ADGRL4: variants seen among roughly 807,000 people sequenced by gnomAD.
The protein encoded by ADGRL4 is EGF, latrophilin and seven transmembrane domain containing 1.
Under a neutral mutation model 74.8 loss-of-function variants are expected in ADGRL4, and 90 were observed. That is an observed-to-expected ratio of 1.20 (90% confidence interval 1.02 to 1.43). The LOEUF (loss-of-function observed/expected upper bound fraction) is 1.43. Ranked by LOEUF, ADGRL4 falls within the 40% of genes most tolerant of loss-of-function variation. ADGRL4 has a pLI of 0.00. For missense variants in ADGRL4, 881 were observed against 814.3 expected (o/e 1.08, Z -1.00); for synonymous variants, 311 against 279.2 (o/e 1.11, Z -1.14).
At chr1:78,961,255 G>A (rs747725303) in intron 2 of ADGRL4, among the ~76,000 whole-genome samples, 47 of 152,082 alleles carry the variant, frequency 3.1e-4, no homozygotes, top group Non-Finnish European at 5.4e-4. Flanking sequence ...CGATTCTCCT[G>A]CCTCAGCCTC....
intron 2 of ADGRL4, among the ~76,000 whole-genome samples, chr1:78,991,250 A>T (rs1557522992): frequency 6.6e-6 from 1 of 152,074 alleles, no homozygotes; most frequent in East Asian, 1.9e-4. Context: ...TACACAAAAG[A>T]GGAATAAGTG....
chr1:78,920,688 A>G, intron 9 of ADGRL4, among the ~76,000 whole-genome samples: 1 of 151,864 alleles, frequency 6.6e-6, no homozygotes, highest in South Asian at 2.1e-4. Context: ...ATTTCACTAC[A>G]TTAGAAAGGC....
intron 12 of ADGRL4, among the ~76,000 whole-genome samples, chr1:78,910,994 T>C (rs1648751601): frequency 6.6e-6 from 1 of 151,904 alleles, no homozygotes; most frequent in Non-Finnish European, 1.5e-5. Context: ...TCTGAACGGA[T>C]TAAAAGCTTA....
intron 12 of ADGRL4, among the ~76,000 whole-genome samples, chr1:78,895,135 C>T (rs1648366995): frequency 6.6e-6 from 1 of 151,932 alleles, no homozygotes; most frequent in Non-Finnish European, 1.5e-5. Flanking sequence ...ATTCCATTAG[C>T]TCATATTTTT....
At chr1:79,002,003 A>G (rs1375594765) in intron 2 of ADGRL4, among the ~76,000 whole-genome samples, 1 of 151,822 alleles carries the variant, frequency 6.6e-6, no homozygotes, top group Non-Finnish European at 1.5e-5. Flanking sequence ...AAGCTGGTTT[A>G]CCTCTAGGAT....
chr1:79,002,973 C>A (rs2100744595), intron 2 of ADGRL4, among the ~76,000 whole-genome samples: 2 of 152,130 alleles, frequency 1.3e-5, no homozygotes, highest in Admixed American at 1.3e-4. Context: ...TATAACATTT[C>A]TTTGGTACCT....
chr1:78,943,583 A>T (rs985200767), intron 3 of ADGRL4, among the ~76,000 whole-genome samples: 2 of 152,216 alleles, frequency 1.3e-5, no homozygotes, highest in Non-Finnish European at 2.9e-5. Flanking sequence ...TAATGACTAT[A>T]ATTACCAGAA....
intron 2 of ADGRL4, among the ~76,000 whole-genome samples, chr1:79,001,900 C>T (rs1650851972): frequency 6.6e-6 from 1 of 151,966 alleles, no homozygotes; most frequent in African/African-American, 2.4e-5. Flanking sequence ...TCAAAATGCA[C>T]TGATATCTTT....
intron 2 of ADGRL4, among the ~76,000 whole-genome samples, chr1:78,953,372 G>A (rs904178493): frequency 2.0e-5 from 3 of 151,928 alleles, no homozygotes; most frequent in African/African-American, 4.8e-5. Context: ...ATTCAATGGG[G>A]AAAATTAAAT....
At chr1:78,893,069 A>AG in intron 13 of ADGRL4, 29 bp downstream of exon 13, 1 of 1,368,440 alleles carries the variant, frequency 7.3e-7, no homozygotes, top group Non-Finnish European at 1.0e-6. Context: ...AAAAAAAAAA[A>AG]AAAAAAGTGA....
At chr1:78,933,971 G>A (rs544992361) in intron 7 of ADGRL4, among the ~76,000 whole-genome samples, 3 of 152,116 alleles carry the variant, frequency 2.0e-5, no homozygotes, top group African/African-American at 4.8e-5. Context: ...TTCACAGATA[G>A]GAAGAATCAA....
intron 2 of ADGRL4, among the ~76,000 whole-genome samples, chr1:78,993,571 CATTTT>C (rs1650653196): frequency 8.7e-6 from 1 of 114,642 alleles, no homozygotes; most frequent in Non-Finnish European, 1.9e-5. Context: ...GCAAAAATTC[CATTTT>C]TTTTTTTTTT....
At chr1:78,910,820 A>T (rs1648746738) in intron 12 of ADGRL4, among the ~76,000 whole-genome samples, 1 of 151,822 alleles carries the variant, frequency 6.6e-6, no homozygotes, top group Admixed American at 6.6e-5. Flanking sequence ...CAATCTTAAC[A>T]TTTTAAATGT....
At chr1:78,916,084 T>C (rs1030592810) in intron 12 of ADGRL4, among the ~76,000 whole-genome samples, 4 of 151,846 alleles carry the variant, frequency 2.6e-5, no homozygotes, top group Admixed American at 2.0e-4. Flanking sequence ...TTTAGACTTC[T>C]AGAAAAGTTT....
chr1:78,971,583 T>C (rs982021320), intron 2 of ADGRL4, among the ~76,000 whole-genome samples: 3 of 152,194 alleles, frequency 2.0e-5, no homozygotes, highest in African/African-American at 7.2e-5. Flanking sequence ...TGTTTCCCTT[T>C]ATTCCATTAT....
chr1:78,971,035 T>A (rs901731576), intron 2 of ADGRL4, among the ~76,000 whole-genome samples: 1 of 152,188 alleles, frequency 6.6e-6, no homozygotes, highest in African/African-American at 2.4e-5. Flanking sequence ...TTTTGATAAA[T>A]GTTTTCTAAT....
At chr1:78,970,699 AC>A (rs1193426769) in intron 2 of ADGRL4, among the ~76,000 whole-genome samples, 1 of 152,102 alleles carries the variant, frequency 6.6e-6, no homozygotes, top group Non-Finnish European at 1.5e-5. Flanking sequence ...TTTTGAATGC[AC>A]CCTGAACCCC....
chr1:78,911,855 C>T (rs945417932), intron 12 of ADGRL4, among the ~76,000 whole-genome samples: 1 of 151,780 alleles, frequency 6.6e-6, no homozygotes, highest in East Asian at 1.9e-4. Flanking sequence ...TTATGTAGGG[C>T]TGGCATCATT....
chr1:78,952,812 T>C (rs966967050), intron 2 of ADGRL4, among the ~76,000 whole-genome samples: 1 of 152,214 alleles, frequency 6.6e-6, no homozygotes, highest in Non-Finnish European at 1.5e-5. Flanking sequence ...AATGAATTTT[T>C]AAAGTGTTTG....
Sources: gnomAD v4.1 joint callset for allele counts (sites outside exome capture counted in the v4.1 genomes callset) on GRCh38, gnomAD v4.1.1 for gene constraint, MANE v1.5 for transcripts, NCBI Gene and HGNC (gene_info 2026-07-23, HGNC 2026-07-21) for gene names.